LYST: variants seen among roughly 807,000 people sequenced by gnomAD.
The protein encoded by LYST is lysosomal trafficking regulator.
LYST carries 192 observed loss-of-function variants against 413.6 expected under a neutral mutation model. The observed-to-expected ratio is 0.46, with a 90% CI of 0.41 to 0.52. The LOEUF is 0.52. LYST is among the 20% of genes least tolerant of loss of function. LYST has a pLI of 0.00. For missense variants in LYST, 3,815 were observed against 4,499.9 expected (o/e 0.85, Z 4.35); for synonymous variants, 1,525 against 1,567.3 (o/e 0.97, Z 0.64).
At chr1:235,731,257 A>G in intron 34 of LYST, 80 bp from the exon 35 acceptor site, 1 of 1,230,158 alleles carries the variant, frequency 8.1e-7, no homozygotes, top group South Asian at 1.2e-5. Flanking sequence ...ATAGAGATTG[A>G]GTAAGTAAGT....
chr1:235,827,742 A>AAAAAAAATTTT, intron 3 of LYST: 1 of 965,792 alleles, frequency 1.0e-6, no homozygotes, highest in Non-Finnish European at 1.2e-6. Context: ...GGATTAAAAA[A>AAAAAAAATTTT]TACCACCACA....
intron 9 of LYST, 64 bp from the exon 10 acceptor site, chr1:235,800,450 T>C (rs1000577330): frequency 3.3e-6 from 3 of 902,648 alleles, no homozygotes; most frequent in African/African-American, 3.3e-5. Flanking sequence ...ACAACTGCAA[T>C]GTCATAATAA....
chr1:235,727,672 G>A lies in LYST; in HGVS notation c.9162+404C>T, dbSNP rs1386876566. 2.0e-5 allele frequency among the ~76,000 whole-genome samples: 3 copies of A among 151,962 alleles called. No individual in the cohort carries two copies. In the East Asian group the frequency reaches 5.8e-4, roughly 29 times the overall value. On this transcript the variant is annotated intron_variant, in intron 38 of 52. Transcript: ENST00000389793. Reference sequence around the variant, plus strand: ...GAATAATAACAATTATCATTATTAAGCTATGTGAATATCAGAATTACTTAA... The same window carrying A: ...GAATAATAACAATTATCATTATTAAACTATGTGAATATCAGAATTACTTAA...
At chr1:235,785,498 A>T (rs1670322948) in intron 14 of LYST, among the ~76,000 whole-genome samples, 2 of 152,202 alleles carry the variant, frequency 1.3e-5, no homozygotes, top group Non-Finnish European at 2.9e-5. Context: ...AAAATAGGTT[A>T]ATCTGTGTTA....
intron 6 of LYST, 78 bp downstream of exon 6, chr1:235,805,665 A>AT: frequency 1.5e-6 from 1 of 684,682 alleles, no homozygotes; most frequent in South Asian, 2.9e-5. Context: ...TACATATTAC[A>AT]TTTTTTATAT....
chr1:235,673,867 A>G (rs1303493489), intron 50 of LYST, among the ~76,000 whole-genome samples: 1 of 152,238 alleles, frequency 6.6e-6, no homozygotes, highest in East Asian at 1.9e-4. Flanking sequence ...GGGTACCAAG[A>G]TATAAATGCC....
chr1:235,835,163 C>T (rs1291094841), intron 1 of LYST, among the ~76,000 whole-genome samples: 2 of 152,026 alleles, frequency 1.3e-5, no homozygotes, highest in Admixed American at 6.6e-5. Flanking sequence ...GTGATCCACC[C>T]GCCTCGGCCT....
At chr1:235,723,959 G>A (rs2103175629) in intron 39 of LYST, 69 bp downstream of exon 39, 1 of 1,282,076 alleles carries the variant, frequency 7.8e-7, no homozygotes, top group Non-Finnish European at 1.1e-6. Flanking sequence ...CATGTAATCA[G>A]TATGAGTATA....
intron 3 of LYST, chr1:235,829,415 A>G (rs1357201264): frequency 6.6e-6 from 1 of 152,218 alleles, no homozygotes; most frequent in Admixed American, 6.5e-5. Context: ...AAAGCTGGTA[A>G]CATTCAAAGT....
At chr1:235,730,060 A>G (rs1057369254) in intron 36 of LYST, among the ~76,000 whole-genome samples, 8 of 151,532 alleles carry the variant, frequency 5.3e-5, no homozygotes, top group Admixed American at 1.3e-4. Context: ...CTATTATTGT[A>G]TTATTTACAT....
At chr1:235,782,368 T>C (rs1436739131) in intron 14 of LYST, among the ~76,000 whole-genome samples, 2 of 151,622 alleles carry the variant, frequency 1.3e-5, no homozygotes. Flanking sequence ...AAAGACGGGG[T>C]TTCACTGTGT....
intron 1 of LYST, among the ~76,000 whole-genome samples, chr1:235,872,368 G>A (rs1680966855): frequency 6.6e-6 from 1 of 151,224 alleles, no homozygotes; most frequent in African/African-American, 2.4e-5. Context: ...GAAGACCCAG[G>A]GAAAACTGCC....
At chr1:235,785,676 G>A (rs1481202973) in intron 14 of LYST, among the ~76,000 whole-genome samples, 1 of 152,168 alleles carries the variant, frequency 6.6e-6, no homozygotes, top group Non-Finnish European at 1.5e-5. Context: ...AGCCTGTTAA[G>A]TAGTCTCACC....
intron 44 of LYST, among the ~76,000 whole-genome samples, chr1:235,706,561 A>G (rs1429926049): frequency 6.6e-6 from 1 of 152,134 alleles, no homozygotes; most frequent in Non-Finnish European, 1.5e-5. Flanking sequence ...ATAAATTTAT[A>G]TGCTTTTCTC....
chr1:235,662,903 G>T lies in LYST; in HGVS notation c.*37C>A. 4 of 1,193,046 alleles carry T rather than the reference G, an allele frequency of 3.4e-6. No individual in the cohort carries two copies. Among genetic ancestry groups the T allele is most frequent in the Non-Finnish European group, 5.0e-6 (4 of 795,196 alleles). 73.9% of individuals were successfully genotyped at this position (1,193,046 alleles called of 1,614,324 possible). A position where few individuals can be genotyped will look rare whatever the true frequency, so the allele number is the denominator to read the frequency against. On this transcript the variant is annotated 3_prime_UTR_variant, in exon 53 of 53. Coordinates refer to ENST00000389793, the MANE Select transcript of LYST (RefSeq NM_000081.4). Reference sequence around the variant, plus strand: ...GTGAAGTCAACAAATCTAGTTTGGAGTTAAAGTGCTTTGGAGAACGTGAAG... The same window carrying T: ...GTGAAGTCAACAAATCTAGTTTGGATTTAAAGTGCTTTGGAGAACGTGAAG...
rs74558230 is a variant in LYST, at chr1:235,756,331, C to T, written c.7060-684G>A. Among the ~76,000 whole-genome samples, 18 of 152,222 alleles carry T rather than the reference C, an allele frequency of 1.2e-4. 1 individual carries two copies. The highest frequency in any genetic ancestry group is 2.9e-4 in the African/African-American group (12 of 41,546). On this transcript the variant is annotated intron_variant, in intron 24 of 52. Transcript: ENST00000389793. ...AATATACTTTTTCCATGAATCCTTCCGTTTCCCCTATGCTCAATTCTCTAT... is the reference window on the plus strand; with the variant it reads ...AATATACTTTTTCCATGAATCCTTCTGTTTCCCCTATGCTCAATTCTCTAT...
chr1:235,853,298 G>T (rs1678765345), intron 1 of LYST, among the ~76,000 whole-genome samples: 1 of 152,148 alleles, frequency 6.6e-6, no homozygotes, highest in Non-Finnish European at 1.5e-5. Context: ...AGCATCGGAG[G>T]GTTAAGAATT....
chr1:235,727,775 T>C (rs1239400896), intron 38 of LYST, among the ~76,000 whole-genome samples: 1 of 152,156 alleles, frequency 6.6e-6, no homozygotes, highest in African/African-American at 2.4e-5. Context: ...TGGCAAGGAA[T>C]AGATATTTGT....
intron 29 of LYST, among the ~76,000 whole-genome samples, chr1:235,746,117 ATGGTTTTAAAC>A (rs1449929127): frequency 2.0e-5 from 3 of 152,218 alleles, no homozygotes; most frequent in African/African-American, 7.2e-5. Flanking sequence ...GAAGTGCCAT[ATGGTTTTAAAC>A]TGGTCAGTCT....
Sources: gnomAD v4.1 joint callset for allele counts (sites outside exome capture counted in the v4.1 genomes callset) on GRCh38, gnomAD v4.1.1 for gene constraint, MANE v1.5 for transcripts, NCBI Gene and HGNC (gene_info 2026-07-23, HGNC 2026-07-21) for gene names.